The following DOCK3 variants were observed in gnomAD, a reference collection of about 807,000 sequenced individuals.
The protein encoded by DOCK3 is dedicator of cytokinesis 3, also known as dedicator of cytokinesis protein 3.
DOCK3 carries 60 observed loss-of-function variants against 265.6 expected under a neutral mutation model. The ratio of observed to expected loss-of-function variants is 0.23; its 90% CI spans 0.18 to 0.28. DOCK3 has a LOEUF of 0.28. Ranked by LOEUF, DOCK3 falls within the 10% of genes least tolerant of loss-of-function variation. The probability of loss-of-function intolerance (pLI) is 1.00; values close to 1 mark genes in which losing one functional copy is unlikely to be tolerated. For missense variants in DOCK3, 1,981 were observed against 2,594.3 expected, an observed-to-expected ratio of 0.76 and a Z score of 5.14; for synonymous variants, 881 against 938.0, an observed-to-expected ratio of 0.94 and a Z score of 1.11.
At chr3:51,239,204 T>TTTATTTATTTATTTAC (rs1228089622) in intron 21 of DOCK3, among the ~76,000 whole-genome samples, 4 of 150,608 alleles carry the variant, frequency 2.7e-5, no homozygotes, top group African/African-American at 4.9e-5. Flanking sequence ...GTACTTTTTA[T>TTTATTTATTTATTTAC]TTATTTATTT....
At chr3:51,220,758 A>T (rs2090059786) in intron 14 of DOCK3, among the ~76,000 whole-genome samples, 1 of 148,272 alleles carries the variant, frequency 6.7e-6, no homozygotes, top group Non-Finnish European at 1.5e-5. Context: ...AGAGCCTCCT[A>T]ATATGAAGTG....
chr3:51,265,649 A>G (rs946219132), intron 23 of DOCK3, among the ~76,000 whole-genome samples: 2 of 152,232 alleles, frequency 1.3e-5, no homozygotes, highest in Non-Finnish European at 2.9e-5. Flanking sequence ...AAAATTCAAC[A>G]TCACTTCATG....
chr3:50,702,215 G>A (rs189599689), intron 1 of DOCK3, among the ~76,000 whole-genome samples: 15 of 152,170 alleles, frequency 9.9e-5, no homozygotes, highest in South Asian at 6.2e-4. Context: ...ATTTCTTTCC[G>A]TTTCTTTGTG....
At chr3:51,202,673 C>CCAGCAT (rs2088875456) in intron 12 of DOCK3, among the ~76,000 whole-genome samples, 1 of 152,078 alleles carries the variant, frequency 6.6e-6, no homozygotes. Flanking sequence ...TTTTATGAGG[C>CCAGCAT]CAGCATCATC....
intron 10 of DOCK3, 38 bp from the exon 11 acceptor site, chr3:51,159,206 T>C (rs766070343): frequency 2.5e-6 from 4 of 1,589,158 alleles, no homozygotes; most frequent in African/African-American, 1.3e-5. Context: ...TTATTTTCTG[T>C]GTATTCCTTG....
At chr3:50,800,486 A>G (rs1212949830) in intron 2 of DOCK3, among the ~76,000 whole-genome samples, 1 of 152,104 alleles carries the variant, frequency 6.6e-6, no homozygotes, top group African/African-American at 2.4e-5. Context: ...TTTCATAGTA[A>G]TCACCAATGA....
At chr3:51,323,228 G>A (rs2083860157) in intron 32 of DOCK3, among the ~76,000 whole-genome samples, 1 of 152,092 alleles carries the variant, frequency 6.6e-6, no homozygotes, top group Non-Finnish European at 1.5e-5. Flanking sequence ...GAACTACAAA[G>A]ATACTTAGAC....
chr3:51,194,312 T>C (rs539990779), intron 12 of DOCK3, among the ~76,000 whole-genome samples: 1 of 152,356 alleles, frequency 6.6e-6, no homozygotes, highest in Admixed American at 6.5e-5. Context: ...AGGCTTGTTT[T>C]GTGGCCTAAC....
At chr3:50,901,533 G>A in intron 4 of DOCK3, 5 of 430,684 alleles carry the variant, frequency 1.2e-5, no homozygotes, top group South Asian at 6.9e-5. Context: ...AAAATATGCT[G>A]CAGTTAGCTC....
chr3:51,356,034 A>T, intron 41 of DOCK3, 55 bp from the exon 42 acceptor site: 1 of 1,608,534 alleles, frequency 6.2e-7, no homozygotes. Flanking sequence ...GACAGGGGTC[A>T]GCCTCTCAGG....
Position 50,879,271 on chromosome 3 carries a change from C to T in DOCK3, c.163-10755C>T, listed in dbSNP as rs144551584. 1.2e-3 allele frequency among the ~76,000 whole-genome samples: 188 copies of T among 152,246 alleles called. 1 individual carries two copies. The highest frequency in any genetic ancestry group is 4.3e-3 in the African/African-American group (179 of 41,536). On this transcript the variant is annotated intron_variant, in intron 3 of 52. Coordinates refer to ENST00000266037, the MANE Select transcript of DOCK3 (RefSeq NM_004947.5). ...TCATAATGACAGGATCAAATTCACA[C>T]CTAACAATATTCACTTTAAATGTAA...
At chr3:51,113,678 AATC>A (rs573569723) in intron 9 of DOCK3, among the ~76,000 whole-genome samples, 16 of 152,144 alleles carry the variant, frequency 1.1e-4, no homozygotes, top group Non-Finnish European at 1.8e-4. Flanking sequence ...TATACCTGTT[AATC>A]CCTCATACCC....
intron 4 of DOCK3, among the ~76,000 whole-genome samples, chr3:50,933,377 A>T (rs1172808952): frequency 6.6e-6 from 1 of 152,236 alleles, no homozygotes; most frequent in Non-Finnish European, 1.5e-5. Flanking sequence ...ATTATAGTGG[A>T]TGCTGCTTAT....
intron 27 of DOCK3, among the ~76,000 whole-genome samples, chr3:51,288,289 G>A (rs1051118015): frequency 6.6e-6 from 1 of 151,766 alleles, no homozygotes; most frequent in South Asian, 2.1e-4. Flanking sequence ...CTACTCAGGA[G>A]GCTGAGGCAG....
intron 5 of DOCK3, among the ~76,000 whole-genome samples, chr3:50,970,020 C>T (rs940416893): frequency 4.0e-5 from 6 of 151,784 alleles, no homozygotes; most frequent in Admixed American, 6.6e-5. Context: ...TCCAGTGAGC[C>T]GAGATAGCGC....
intron 13 of DOCK3, among the ~76,000 whole-genome samples, chr3:51,212,861 T>C (rs2089592251): frequency 6.6e-6 from 1 of 152,134 alleles, no homozygotes; most frequent in Admixed American, 6.6e-5. Context: ...AGATACCATG[T>C]TTGTAATCCC....
At chr3:51,112,932 G>A (rs1343020564) in intron 9 of DOCK3, among the ~76,000 whole-genome samples, 1 of 152,164 alleles carries the variant, frequency 6.6e-6, no homozygotes, top group Non-Finnish European at 1.5e-5. Flanking sequence ...CATCTAAAAG[G>A]TATTAAGAGG....
chr3:51,024,491 C>T (rs1241546813), intron 5 of DOCK3, among the ~76,000 whole-genome samples: 2 of 151,916 alleles, frequency 1.3e-5, no homozygotes, highest in Admixed American at 1.3e-4. Context: ...GGGTAGATCT[C>T]AATTAGATGT....
At chr3:51,375,506 A>G (rs1279235155) in intron 50 of DOCK3, among the ~76,000 whole-genome samples, 1 of 152,200 alleles carries the variant, frequency 6.6e-6, no homozygotes, top group Non-Finnish European at 1.5e-5. Context: ...GCTGGGTCCT[A>G]GCCAGATACT....
Sources: gnomAD v4.1 joint callset for allele counts (sites outside exome capture counted in the v4.1 genomes callset) on GRCh38, gnomAD v4.1.1 for gene constraint, MANE v1.5 for transcripts, NCBI Gene and HGNC (gene_info 2026-07-23, HGNC 2026-07-21) for gene names.